RRM2B: variants seen among roughly 807,000 people sequenced by gnomAD.
RRM2B encodes the protein ribonucleotide reductase regulatory TP53 inducible subunit M2B, also known as ribonucleoside-diphosphate reductase subunit M2 B.
Under a neutral mutation model 45.9 loss-of-function variants are expected in RRM2B, and 20 were observed. The ratio of observed to expected loss-of-function variants is 0.44; its 90% CI spans 0.31 to 0.63. The LOEUF is 0.63. RRM2B is among the 30% of genes least tolerant of loss of function. The pLI, the probability that RRM2B is intolerant of heterozygous loss-of-function variation, is 0.09. For missense variants in RRM2B, 320 were observed against 414.7 expected (o/e 0.77, Z 1.98); for synonymous variants, 124 against 132.3 (o/e 0.94, Z 0.43).
chr8:102,237,932 A>C (rs1410576265), intron 1 of RRM2B, among the ~76,000 whole-genome samples: 1 of 152,250 alleles, frequency 6.6e-6, no homozygotes, highest in African/African-American at 2.4e-5. Flanking sequence ...GTTTCCCCCA[A>C]ATCTTCACAG....
intron 5 of RRM2B, among the ~76,000 whole-genome samples, chr8:102,220,937 C>T (rs1810824752): frequency 6.6e-6 from 1 of 152,010 alleles, no homozygotes; most frequent in Non-Finnish European, 1.5e-5. Context: ...ATGTAAAGGC[C>T]TCATGATTCA....
At chr8:102,231,622 G>A (rs1355361510) in intron 2 of RRM2B, among the ~76,000 whole-genome samples, 1 of 151,710 alleles carries the variant, frequency 6.6e-6, no homozygotes. Flanking sequence ...TGTAATCCCA[G>A]CACTTTGGGA....
rs769515233 is a variant in RRM2B at position 102,232,337 on chromosome 8, T to C, written c.49-33A>G. 3.1e-6 allele frequency: 5 copies of C among 1,602,052 alleles called. No individual in the cohort carries two copies. In the South Asian group the frequency reaches 5.5e-5, roughly 18 times the overall value. The stretch of plus-strand genomic sequence containing the variant: ...AAATAAAGTACAAACACGCCTTTTA[T>C]ATAGACATTTCTTCTTTATTCATAC... On this transcript the variant is annotated intron_variant, in intron 1 of 8. Transcript: ENST00000251810.
At chr8:102,210,952 T>A (rs1237076722) in intron 8 of RRM2B, among the ~76,000 whole-genome samples, 1 of 152,276 alleles carries the variant, frequency 6.6e-6, no homozygotes, top group Middle Eastern at 3.4e-3. Context: ...ATATTTTCAA[T>A]TAATTTTTAT....
intron 2 of RRM2B, among the ~76,000 whole-genome samples, chr8:102,226,974 A>G (rs1810943264): frequency 6.6e-6 from 1 of 152,106 alleles, no homozygotes; most frequent in African/African-American, 2.4e-5. Context: ...TCGGCCTCCC[A>G]AAGTGCTGGG....
intron 5 of RRM2B, among the ~76,000 whole-genome samples, chr8:102,220,951 TAG>T (rs1339196799): frequency 6.6e-6 from 1 of 152,208 alleles, no homozygotes. Context: ...TGATTCATTT[TAG>T]AGAGGGGAAA....
chr8:102,234,335 T>C (rs1293928275), intron 1 of RRM2B, among the ~76,000 whole-genome samples: 1 of 152,158 alleles, frequency 6.6e-6, no homozygotes, highest in Admixed American at 6.5e-5. Flanking sequence ...AGGAGTGTAT[T>C]ATGAGGGATT....
chr8:102,233,176 T>C (rs780227430), intron 1 of RRM2B, among the ~76,000 whole-genome samples: 4 of 152,228 alleles, frequency 2.6e-5, no homozygotes, highest in Non-Finnish European at 4.4e-5. Context: ...TCTCTCTCTC[T>C]ACTGTGACAG....
At chr8:102,232,093 CAAG>C (rs2132562307) in intron 2 of RRM2B, 53 bp downstream of exon 2, 2 of 1,497,004 alleles carry the variant, frequency 1.3e-6, no homozygotes, top group East Asian at 4.5e-5. Flanking sequence ...TCCTGTAAAA[CAAG>C]AAGGAACACT....
Position 102,204,790 on chromosome 8 carries a change from T to C in RRM2B, c.*3343A>G, listed in dbSNP as rs1810515294. ...ATAACTTTGCTAAATGGCCAGACAT[T>C]TGAAAAAATGAAAACACAGTTGTAA... On this transcript the variant is annotated 3_prime_UTR_variant, in exon 9 of 9. Transcript: ENST00000251810. The C allele has an allele frequency of 6.6e-6, 1 of 152,160 alleles. No homozygotes were observed. Among genetic ancestry groups the C allele is most frequent in the African/African-American group, 2.4e-5 (1 of 41,448 alleles). 9.4% of individuals were successfully genotyped at this position (152,160 alleles called of 1,614,324 possible).
intron 5 of RRM2B, among the ~76,000 whole-genome samples, chr8:102,221,354 T>C (rs1810832445): frequency 6.6e-6 from 1 of 152,194 alleles, no homozygotes; most frequent in African/African-American, 2.4e-5. Context: ...TCACCAAAAA[T>C]GTTAGGCAAA....
At chr8:102,231,741 C>T (rs534133847) in intron 2 of RRM2B, among the ~76,000 whole-genome samples, 2 of 151,762 alleles carry the variant, frequency 1.3e-5, no homozygotes, top group East Asian at 1.9e-4. Context: ...TGGTGGCTGG[C>T]GCCTGTAATC....
At chr8:102,221,067 T>C (rs1810827379) in intron 5 of RRM2B, among the ~76,000 whole-genome samples, 1 of 152,204 alleles carries the variant, frequency 6.6e-6, no homozygotes, top group African/African-American at 2.4e-5. Flanking sequence ...ATTACATATA[T>C]TAAGTTTTAA....
chr8:102,208,525 A>G (rs1292706903), intron 8 of RRM2B, among the ~76,000 whole-genome samples: 1 of 146,682 alleles, frequency 6.8e-6, no homozygotes, highest in Non-Finnish European at 1.5e-5. Flanking sequence ...TAATAAATAG[A>G]AAAAAAAACA....
chr8:102,209,149 CA>C (rs1236272320), intron 8 of RRM2B, among the ~76,000 whole-genome samples: 11 of 145,560 alleles, frequency 7.6e-5, no homozygotes, highest in East Asian at 2.0e-4. Context: ...GACTCCATTT[CA>C]AAAAAAAAAG....
At chr8:102,230,506 T>C (rs1482914454) in intron 2 of RRM2B, among the ~76,000 whole-genome samples, 2 of 152,206 alleles carry the variant, frequency 1.3e-5, no homozygotes, top group Non-Finnish European at 2.9e-5. Context: ...CTCTGAACCG[T>C]ATCTAACAAA....
intron 6 of RRM2B, among the ~76,000 whole-genome samples, chr8:102,217,696 A>G (rs1044335748): frequency 1.3e-5 from 2 of 152,186 alleles, no homozygotes; most frequent in African/African-American, 4.8e-5. Flanking sequence ...AGTACAATAC[A>G]TGCTATGGAC....
At chr8:102,224,635 A>G (rs997316909) in intron 4 of RRM2B, among the ~76,000 whole-genome samples, 1 of 152,240 alleles carries the variant, frequency 6.6e-6, no homozygotes, top group Non-Finnish European at 1.5e-5. Context: ...AAAACCAGCT[A>G]AATTTGAGTA....
At chr8:102,223,981 A>C in intron 5 of RRM2B, 65 bp downstream of exon 5, 1 of 1,119,894 alleles carries the variant, frequency 8.9e-7, no homozygotes. Flanking sequence ...GGATAGTCAC[A>C]CCACATAAAA....
Sources: allele counts gnomAD v4.1 joint callset (sites outside exome capture counted in the v4.1 genomes callset), GRCh38; gene constraint gnomAD v4.1.1; transcripts MANE v1.5; gene names NCBI Gene and HGNC (gene_info 2026-07-23, HGNC 2026-07-21).